Variants in HMGXB3 observed in about 807,000 individuals in gnomAD.
HMGXB3 encodes the protein HMG domain-containing protein 3.
Under a neutral mutation model 121.5 loss-of-function variants are expected in HMGXB3, and 45 were observed. The ratio of observed to expected loss-of-function variants is 0.37; its 90% confidence interval spans 0.29 to 0.47. HMGXB3 has a LOEUF of 0.47. Ranked by LOEUF, HMGXB3 falls within the 20% of genes least tolerant of loss-of-function variation. The probability of loss-of-function intolerance (pLI) is 0.99; values close to 1 mark genes in which losing one functional copy is unlikely to be tolerated. For synonymous variants in HMGXB3, 590 were observed against 624.1 expected (o/e 0.95, Z 0.81); for missense variants, 1,376 against 1,602.2 (o/e 0.86, Z 2.41).
At position 150,047,766 on chromosome 5, in the gene HMGXB3, C is replaced by T; in HGVS notation, c.3084+9C>T. On this transcript the variant is annotated intron_variant, in intron 17 of 19. Coordinates refer to ENST00000502717, the MANE Select transcript of HMGXB3 (RefSeq NM_014983.3). ...GGGCAGAAGACTCCAAGGTGAGTGT[C>T]AAGGGCAGTGGTGGATATCGGGGCT... 2 of 1,551,650 alleles carry T rather than the reference C, an allele frequency of 1.3e-6. No homozygotes were observed. The highest frequency in any genetic ancestry group is 1.7e-6 in the Non-Finnish European group (2 of 1,146,954).
At chr5:150,005,108 C>A in intron 2 of HMGXB3, 119 bp downstream of exon 2, 1 of 1,313,456 alleles carries the variant, frequency 7.6e-7, no homozygotes, top group Non-Finnish European at 1.0e-6. Context: ...AGTCCTGTGT[C>A]GAGGGATGAG....
chr5:150,048,574 G>A lies in HMGXB3; in HGVS notation c.3090G>A (p.Gln1030=). The change falls in exon 18 of 20, where the codon CAG becomes CAA. Residue 1030 remains glutamine, a synonymous_variant. Coordinates refer to ENST00000502717, the MANE Select transcript of HMGXB3 (RefSeq NM_014983.3). ...ATCTTGTCCTTCTACTCCAGGACCA[G>A]CTCTGCTTCTCCTTGTTGGCCCTCT... ...IPFGAEDSKD[Q]LCFSLLALYE... 1 of 1,550,884 alleles carries A rather than the reference G, an allele frequency of 6.4e-7. No individual in the cohort carries two copies. Among genetic ancestry groups the A allele is most frequent in the Non-Finnish European group, 8.7e-7 (1 of 1,145,936 alleles).
intron 7 of HMGXB3, 63 bp from the exon 8 acceptor site, chr5:150,026,643 T>C (rs2113743718): frequency 7.2e-7 from 1 of 1,387,510 alleles, no homozygotes; most frequent in African/African-American, 1.5e-5. Context: ...TATGTAGAGA[T>C]TGCGCTTTGG....
chr5:150,003,040 G>A (rs536238941), intron 1 of HMGXB3, among the ~76,000 whole-genome samples: 1 of 152,338 alleles, frequency 6.6e-6, no homozygotes, highest in East Asian at 1.9e-4. Flanking sequence ...CTACTTGGGA[G>A]GCCAAGGTGG....
chr5:150,026,876 T>G lies in HMGXB3; in HGVS notation c.1631T>G (p.Leu544Arg). 4 of 1,509,378 alleles carry G rather than the reference T, an allele frequency of 2.7e-6. No homozygotes were observed. Among genetic ancestry groups the G allele is most frequent in the Non-Finnish European group, 2.7e-6 (3 of 1,126,770 alleles). The allele number at this position is 1,509,378 out of a possible 1,614,324, so 93.5% of individuals were successfully genotyped here. The change falls in exon 8 of 20, where the codon CTG (leucine) becomes CGG (arginine). Residue 544 changes from leucine to arginine, a missense_variant. Leu to Arg is a moderately radical substitution (Grantham distance 102). Transcript: ENST00000502717. Reference protein sequence around the residue: ...GLPRARQAFSLSDKTPSVRTC... With the variant: ...GLPRARQAFSRSDKTPSVRTC... ...CCCAGGGCCAGGCAGGCCTTTTCCCTGAGTGGTAAGGGCTGGGACATACCT... is the reference window on the plus strand; with the variant it reads ...CCCAGGGCCAGGCAGGCCTTTTCCCGGAGTGGTAAGGGCTGGGACATACCT...
chr5:150,042,061 T>C (rs1756645863), intron 15 of HMGXB3, 92 bp downstream of exon 15: 4 of 1,029,386 alleles, frequency 3.9e-6, no homozygotes, highest in Non-Finnish European at 1.4e-6. Flanking sequence ...GGTGGATAGC[T>C]CCAGTCCTGT....
intron 2 of HMGXB3, among the ~76,000 whole-genome samples, chr5:150,005,319 G>T (rs886542293): frequency 6.6e-6 from 1 of 152,124 alleles, no homozygotes; most frequent in African/African-American, 2.4e-5. Context: ...TAGAAATAAG[G>T]CTGGGCGTGA....
intron 9 of HMGXB3, among the ~76,000 whole-genome samples, chr5:150,028,978 T>A (rs1288120620): frequency 6.6e-6 from 1 of 152,158 alleles, no homozygotes; most frequent in Non-Finnish European, 1.5e-5. Context: ...GATCAGATAT[T>A]AACGTTTAGT....
At chr5:150,004,390 G>A (rs1435586472) in intron 1 of HMGXB3, among the ~76,000 whole-genome samples, 1 of 152,124 alleles carries the variant, frequency 6.6e-6, no homozygotes, top group African/African-American at 2.4e-5. Flanking sequence ...ATCAATGAAG[G>A]GATTTGCTTA....
intron 7 of HMGXB3, among the ~76,000 whole-genome samples, chr5:150,025,635 A>G (rs1756210817): frequency 6.6e-6 from 1 of 152,016 alleles, no homozygotes; most frequent in Admixed American, 6.6e-5. Flanking sequence ...TGGTGCGAAC[A>G]CAGCTCCCTG....
intron 10 of HMGXB3, 63 bp from the exon 11 acceptor site, chr5:150,032,391 T>C: frequency 6.8e-7 from 1 of 1,471,324 alleles, no homozygotes; most frequent in Non-Finnish European, 9.2e-7. Context: ...TCATTCTGGT[T>C]CTGGGTTCTG....
In HMGXB3 at chr5:150,036,774, G is replaced by C; in HGVS notation, c.2122G>C (p.Glu708Gln). The C allele has an allele frequency of 1.9e-6, 3 of 1,551,748 alleles. No homozygotes were observed. In the South Asian group the frequency reaches 3.6e-5, roughly 18 times the overall value. ...TCCTGAGAATGAGTCAGAGCTGGCT[G>C]AGGTCTTCGCCTTGATTCATGAACT... ...QIPENESELA[E>Q]VFALIHELNS... The change falls in exon 12 of 20, where the codon GAG (glutamate) becomes CAG (glutamine). Residue 708 changes from glutamate to glutamine, a missense_variant. This residue lies in a region of HMGXB3 where 1,116 missense variants were observed against 1,369.0 expected (regional missense o/e 0.82). Coordinates refer to ENST00000502717, the MANE Select transcript of HMGXB3 (RefSeq NM_014983.3).
Position 150,018,760 on chromosome 5 carries a change from A to G in HMGXB3, c.1041+63A>G, listed in dbSNP as rs1581251678. ...CAGAATAGACTTTCTGTTTGCCATT[A>G]GGAACAGGTGATTTTTAAAAAGTTA... is the stretch of plus-strand genomic sequence containing the variant. On this transcript the variant is annotated intron_variant, in intron 6 of 19. Transcript: ENST00000502717. 11 of 1,445,186 alleles carry G rather than the reference A, an allele frequency of 7.6e-6. No homozygotes were observed. The East Asian group carries it at 2.8e-4, about 37-fold the overall frequency. The allele number at this position is 1,445,186 out of a possible 1,614,324, so 89.5% of individuals were successfully genotyped here. A position where few individuals can be genotyped will look rare whatever the true frequency, so the allele number is the denominator to read the frequency against.
chr5:150,025,504 A>AT (rs60889296), intron 7 of HMGXB3, among the ~76,000 whole-genome samples: 256 of 149,498 alleles, frequency 1.7e-3, no homozygotes, highest in Non-Finnish European at 2.2e-3. Context: ...TATTTTTCCC[A>AT]TTTTTTTTTT....
At chr5:150,016,377 C>T (rs1215150759) in intron 5 of HMGXB3, among the ~76,000 whole-genome samples, 1 of 147,568 alleles carries the variant, frequency 6.8e-6, no homozygotes, top group Non-Finnish European at 1.5e-5. Flanking sequence ...TGACATTTAA[C>T]TATCCTTGTA....
intron 1 of HMGXB3, among the ~76,000 whole-genome samples, chr5:150,002,674 A>C (rs928350438): frequency 6.6e-6 from 1 of 151,884 alleles, no homozygotes. Context: ...TACAAAAAAA[A>C]CTAACTCTTC....
chr5:150,013,187 T>C (rs1303239967), intron 5 of HMGXB3, among the ~76,000 whole-genome samples: 2 of 152,208 alleles, frequency 1.3e-5, no homozygotes, highest in Non-Finnish European at 2.9e-5. Flanking sequence ...AAGGATTCAG[T>C]CCTTCTTCAT....
At chr5:150,027,634 T>G (rs1446126455) in intron 9 of HMGXB3, among the ~76,000 whole-genome samples, 6 of 151,862 alleles carry the variant, frequency 4.0e-5, no homozygotes, top group African/African-American at 1.2e-4. Flanking sequence ...CACTGCAACC[T>G]CCACCTCCTG....
At chr5:150,022,779 T>C (rs1756130163) in intron 6 of HMGXB3, among the ~76,000 whole-genome samples, 1 of 151,872 alleles carries the variant, frequency 6.6e-6, no homozygotes, top group Non-Finnish European at 1.5e-5. Flanking sequence ...TGAGAATGCT[T>C]TACCAAAGAG....
Sources: gnomAD v4.1 joint callset for allele counts (sites outside exome capture counted in the v4.1 genomes callset) on GRCh38, gnomAD v4.1.1 for gene constraint, gnomAD v4.1.1 regional missense constraint, MANE v1.5 for transcripts, NCBI Gene and HGNC (gene_info 2026-07-23, HGNC 2026-07-21) for gene names.